Variants in RANBP17 observed in about 807,000 individuals in gnomAD.
RANBP17 encodes RAN binding protein 17.
A neutral mutation model predicts 141.2 loss-of-function variants in RANBP17; 158 were observed. The ratio of observed to expected loss-of-function variants is 1.12; its 90% CI spans 0.98 to 1.28. The LOEUF is 1.28. RANBP17 is among the 50% of genes most tolerant of loss of function. The pLI, the probability that RANBP17 is intolerant of heterozygous loss-of-function variation, is 0.00. For synonymous variants in RANBP17, 430 were observed against 450.0 expected, an observed-to-expected ratio of 0.96 and a Z score of 0.56; for missense variants, 1,438 against 1,290.7, an observed-to-expected ratio of 1.11 and a Z score of -1.75.
At chr5:171,147,169 G>A (rs1298900337) in intron 14 of RANBP17, among the ~76,000 whole-genome samples, 1 of 152,020 alleles carries the variant, frequency 6.6e-6, no homozygotes, top group African/African-American at 2.4e-5. Flanking sequence ...CCACAACAAA[G>A]AATTATCTGA....
rs531521753 is a variant in RANBP17 at position 171,039,397 on chromosome 5, A to G, written c.1710+71020A>G. On this transcript the variant is annotated intron_variant, in intron 14 of 27. Coordinates refer to ENST00000523189, the MANE Select transcript of RANBP17 (RefSeq NM_022897.5). ...GTCTTCTTCTGAAAAGTGTCTGTTCATGTCTTTTGTCTATTTTTTTTAATG... is the reference window on the plus strand; with the variant it reads ...GTCTTCTTCTGAAAAGTGTCTGTTCGTGTCTTTTGTCTATTTTTTTTAATG... Among the ~76,000 whole-genome samples the G allele has an allele frequency of 3.2e-4, 47 of 149,026 alleles. 1 individual carries two copies. In the South Asian group the frequency reaches 0.01, roughly 32 times the overall value.
intron 12 of RANBP17, among the ~76,000 whole-genome samples, chr5:170,950,619 T>G (rs1427709450): frequency 6.6e-6 from 1 of 152,100 alleles, no homozygotes. Context: ...AAGGGAACTC[T>G]TACACACTGG....
intron 5 of RANBP17, among the ~76,000 whole-genome samples, chr5:170,908,598 C>A (rs1771267891): frequency 6.7e-6 from 1 of 148,584 alleles, no homozygotes; most frequent in East Asian, 2.0e-4. Flanking sequence ...CAGCAACAAG[C>A]AATATACCCC....
At chr5:171,005,474 A>C (rs1234006395) in intron 14 of RANBP17, among the ~76,000 whole-genome samples, 1 of 152,236 alleles carries the variant, frequency 6.6e-6, no homozygotes, top group Non-Finnish European at 1.5e-5. Context: ...GACAAACCTG[A>C]CAAAAACAAG....
intron 22 of RANBP17, among the ~76,000 whole-genome samples, chr5:171,232,680 A>G (rs1581081778): frequency 1.3e-5 from 2 of 152,136 alleles, no homozygotes; most frequent in South Asian, 4.1e-4. Flanking sequence ...GTGCCCTTCT[A>G]TGCTTTTTAT....
chr5:170,888,120 C>T (rs191285697), intron 3 of RANBP17, among the ~76,000 whole-genome samples: 200 of 152,308 alleles, frequency 1.3e-3, no homozygotes, highest in Middle Eastern at 3.4e-3. Flanking sequence ...TAGTGTCAGT[C>T]TTCCAACTTT....
At chr5:170,963,527 G>A (rs972462331) in intron 13 of RANBP17, among the ~76,000 whole-genome samples, 1 of 152,202 alleles carries the variant, frequency 6.6e-6, no homozygotes, top group African/African-American at 2.4e-5. Context: ...GTAGAAGATG[G>A]TTTTTCCATG....
intron 13 of RANBP17, among the ~76,000 whole-genome samples, chr5:170,962,439 G>C (rs1776221285): frequency 6.6e-6 from 1 of 152,180 alleles, no homozygotes; most frequent in Admixed American, 6.5e-5. Context: ...GTAAACAAGA[G>C]AAAGTGCATA....
intron 14 of RANBP17, among the ~76,000 whole-genome samples, chr5:171,088,043 C>A (rs1165224624): frequency 1.3e-5 from 2 of 151,288 alleles, no homozygotes; most frequent in Non-Finnish European, 3.0e-5. Context: ...TTAGTTGATG[C>A]AGTTTCTTCC....
intron 14 of RANBP17, among the ~76,000 whole-genome samples, chr5:171,156,502 C>T (rs991618916): frequency 6.6e-6 from 1 of 152,012 alleles, no homozygotes; most frequent in Non-Finnish European, 1.5e-5. Flanking sequence ...GTCATGTGAA[C>T]ATGTGTGGAT....
At chr5:171,011,257 T>C (rs1344959543) in intron 14 of RANBP17, among the ~76,000 whole-genome samples, 1 of 152,122 alleles carries the variant, frequency 6.6e-6, no homozygotes, top group Non-Finnish European at 1.5e-5. Context: ...TTTGCTTAGT[T>C]TGCCATCACA....
At position 171,171,303 on chromosome 5, in the gene RANBP17, A is replaced by G; in HGVS notation, c.1865+17A>G. On this transcript the variant is annotated intron_variant, in intron 16 of 27. Transcript: ENST00000523189. ...TTCTGTTGGATATCCTTTTCACTGT[A>G]TATCTGACATTATGTGTAAACAACC... is the stretch of plus-strand genomic sequence containing the variant. 5 of 1,389,282 alleles carry G rather than the reference A, an allele frequency of 3.6e-6. No homozygotes were observed. Among genetic ancestry groups the G allele is most frequent in the Non-Finnish European group, 4.0e-6 (4 of 993,716 alleles). The allele number at this position is 1,389,282 out of a possible 1,614,324, so 86.1% of individuals were successfully genotyped here.
At chr5:171,100,615 T>C (rs1170569291) in intron 14 of RANBP17, among the ~76,000 whole-genome samples, 1 of 152,170 alleles carries the variant, frequency 6.6e-6, no homozygotes. Context: ...TCTGCTCTGA[T>C]CTTAGTTATT....
chr5:171,242,516 T>G lies in RANBP17; in HGVS notation c.2638-166T>G, dbSNP rs192985146. On this transcript the variant is annotated intron_variant, in intron 23 of 27. Coordinates refer to ENST00000523189, the MANE Select transcript of RANBP17 (RefSeq NM_022897.5). ...TCAAGCGATTCCTATCAGAACCCCTTTAAATGCTGGATTGGGACTCATTAT... is the reference window on the plus strand; with the variant it reads ...TCAAGCGATTCCTATCAGAACCCCTGTAAATGCTGGATTGGGACTCATTAT... Among the ~76,000 whole-genome samples, 7 of 152,332 alleles carry G rather than the reference T, an allele frequency of 4.6e-5. No individual in the cohort carries two copies. The East Asian group carries it at 1.3e-3, about 29-fold the overall frequency.
intron 25 of RANBP17, among the ~76,000 whole-genome samples, chr5:171,293,138 CAG>C (rs1433069863): frequency 2.0e-5 from 3 of 152,186 alleles, no homozygotes; most frequent in Non-Finnish European, 2.9e-5. Flanking sequence ...CTCAAGGACC[CAG>C]AGTCATCCCT....
At chr5:171,086,367 A>C (rs1359366796) in intron 14 of RANBP17, among the ~76,000 whole-genome samples, 13 of 152,018 alleles carry the variant, frequency 8.6e-5, no homozygotes, top group African/African-American at 2.7e-4. Flanking sequence ...TCGGTTTGCC[A>C]GTATTTTATT....
intron 16 of RANBP17, among the ~76,000 whole-genome samples, chr5:171,182,409 A>G (rs1435862407): frequency 6.6e-6 from 1 of 152,182 alleles, no homozygotes. Context: ...TGAACTGTTC[A>G]GATGATAATG....
intron 1 of RANBP17, among the ~76,000 whole-genome samples, chr5:170,874,097 A>G (rs1172924155): frequency 6.6e-6 from 1 of 152,114 alleles, no homozygotes; most frequent in Non-Finnish European, 1.5e-5. Flanking sequence ...TAATTTCATT[A>G]TTTACCCAGG....
intron 14 of RANBP17, among the ~76,000 whole-genome samples, chr5:171,047,249 C>A (rs1782649863): frequency 6.6e-6 from 1 of 151,842 alleles, no homozygotes; most frequent in Non-Finnish European, 1.5e-5. Context: ...AACTCCTGAC[C>A]TCATGTGATC....
Sources: allele counts gnomAD v4.1 joint callset (sites outside exome capture counted in the v4.1 genomes callset), GRCh38; gene constraint gnomAD v4.1.1; transcripts MANE v1.5; gene names NCBI Gene and HGNC (gene_info 2026-07-23, HGNC 2026-07-21).